AGBL1: variants seen among roughly 807,000 people sequenced by gnomAD.
AGBL1 encodes the protein cytosolic carboxypeptidase 4.
A neutral mutation model predicts 118.9 loss-of-function variants in AGBL1; 130 were observed. The ratio of observed to expected loss-of-function variants is 1.09; its 90% CI spans 0.95 to 1.26. AGBL1 has a LOEUF of 1.26. AGBL1 is among the 50% of genes most tolerant of loss of function. AGBL1 has a pLI of 0.00. For synonymous variants in AGBL1, 555 were observed against 478.9 expected (o/e 1.16, Z -2.08); for missense variants, 1,584 against 1,298.1 (o/e 1.22, Z -3.38).
intron 3 of AGBL1, among the ~76,000 whole-genome samples, chr15:86,149,029 G>A (rs2077070455): frequency 6.6e-6 from 1 of 152,134 alleles, no homozygotes; most frequent in Non-Finnish European, 1.5e-5. Flanking sequence ...GCCAAACTAT[G>A]CTTCGTAAGC....
At chr15:86,104,343 G>T (rs951372117) in intron 1 of AGBL1, among the ~76,000 whole-genome samples, 23 of 152,148 alleles carry the variant, frequency 1.5e-4, no homozygotes, top group Non-Finnish European at 3.1e-4. Flanking sequence ...TGTTGGGTGG[G>T]TTGCTTTTAG....
chr15:86,835,839 A>G (rs2079163365), intron 22 of AGBL1, among the ~76,000 whole-genome samples: 1 of 152,208 alleles, frequency 6.6e-6, no homozygotes, highest in South Asian at 2.1e-4. Flanking sequence ...TGGACCTGCC[A>G]TCATGCACAG....
Position 86,907,602 on chromosome 15 carries a change from A to G in AGBL1, c.*308A>G, listed in dbSNP as rs935040716. On this transcript the variant is annotated 3_prime_UTR_variant, in exon 23 of 23. Coordinates refer to ENST00000614907, the MANE Select transcript of AGBL1 (RefSeq NM_001386094.1). ...GATCCTTTCAAGATTTTTCTGAGTT[A>G]TTCTCCATTCTTGTGCTTGAACTGG... is the stretch of plus-strand genomic sequence containing the variant. The G allele has an allele frequency of 1.3e-5, 2 of 152,162 alleles. No individual in the cohort carries two copies. Among genetic ancestry groups the G allele is most frequent in the African/African-American group, 4.8e-5 (2 of 41,434 alleles). 9.4% of individuals were successfully genotyped at this position (152,162 alleles called of 1,614,324 possible). A position where few individuals can be genotyped will look rare whatever the true frequency, so the allele number is the denominator to read the frequency against.
At chr15:86,779,959 C>G (rs1440511098) in intron 22 of AGBL1, among the ~76,000 whole-genome samples, 1 of 151,956 alleles carries the variant, frequency 6.6e-6, no homozygotes, top group African/African-American at 2.4e-5. Flanking sequence ...ACTTTTCACT[C>G]CCTTGTCAGT....
intron 5 of AGBL1, among the ~76,000 whole-genome samples, chr15:86,222,499 A>T (rs1323595278): frequency 6.6e-6 from 1 of 151,834 alleles, no homozygotes; most frequent in Non-Finnish European, 1.5e-5. Flanking sequence ...CTTCTCTCTC[A>T]CTTTTCCATT....
At chr15:86,819,146 C>T (rs1238741204) in intron 22 of AGBL1, among the ~76,000 whole-genome samples, 1 of 151,658 alleles carries the variant, frequency 6.6e-6, no homozygotes, top group Non-Finnish European at 1.5e-5. Flanking sequence ...GTGATGGGGG[C>T]AAAAATCTAA....
intron 21 of AGBL1, among the ~76,000 whole-genome samples, chr15:86,588,312 CCTCT>C (rs2084282690): frequency 1.3e-5 from 2 of 152,018 alleles, no homozygotes; most frequent in Non-Finnish European, 2.9e-5. Context: ...TATCAAAGAC[CCTCT>C]TACACAGTTG....
At chr15:86,973,616 A>C (rs2060324) in intron 23 of AGBL1, among the ~76,000 whole-genome samples, 109,203 of 151,446 alleles carry the variant, frequency 0.72, 40,409 homozygotes, top group South Asian at 0.91. Flanking sequence ...AACTACTGTG[A>C]GAAGTACATT....
intron 5 of AGBL1, among the ~76,000 whole-genome samples, chr15:86,216,925 A>G (rs1437411461): frequency 6.6e-6 from 1 of 152,086 alleles, no homozygotes; most frequent in African/African-American, 2.4e-5. Context: ...TTGTCACCTT[A>G]CAGTGTCTGT....
At chr15:86,286,867 G>A (rs553902251) in intron 16 of AGBL1, among the ~76,000 whole-genome samples, 2 of 151,508 alleles carry the variant, frequency 1.3e-5, no homozygotes, top group Admixed American at 1.3e-4. Context: ...AGTTCCTTTG[G>A]ATATATACCC....
chr15:86,615,734 A>T lies in AGBL1; in HGVS notation c.2995-58539A>T, dbSNP rs2084711946. ...AACTACTCAAAGCCACAGAGTTAGA[A>T]ATGTGAGTTTTATATTGTGGACAGA... On this transcript the variant is annotated intron_variant, in intron 21 of 22. Coordinates refer to ENST00000614907, the MANE Select transcript of AGBL1 (RefSeq NM_001386094.1). This position sits in a 1 kb window ranked among gnomAD's most constrained non-coding sequence, Gnocchi z 4.3. Among the ~76,000 whole-genome samples the T allele has an allele frequency of 6.6e-6, 1 of 152,194 alleles. No homozygotes were observed. The highest frequency in any genetic ancestry group is 1.5e-5 in the Non-Finnish European group (1 of 68,030).
chr15:86,586,860 G>T (rs917017379), intron 21 of AGBL1, among the ~76,000 whole-genome samples: 1 of 151,980 alleles, frequency 6.6e-6, no homozygotes, highest in Non-Finnish European at 1.5e-5. Flanking sequence ...TTAAGTTAAG[G>T]GGGGGTCTGT....
intron 18 of AGBL1, among the ~76,000 whole-genome samples, chr15:86,454,823 C>A (rs908496012): frequency 6.6e-6 from 1 of 152,020 alleles, no homozygotes; most frequent in Non-Finnish European, 1.5e-5. Context: ...CAGAGATGTA[C>A]CCGCTTGTGA....
chr15:86,511,444 C>A (rs540873882), intron 18 of AGBL1, among the ~76,000 whole-genome samples: 1 of 152,110 alleles, frequency 6.6e-6, no homozygotes, highest in South Asian at 2.1e-4. Context: ...ATTGCAAACA[C>A]TGGATAAATC....
intron 22 of AGBL1, among the ~76,000 whole-genome samples, chr15:86,723,255 A>G (rs1383201360): frequency 6.6e-6 from 1 of 152,240 alleles, no homozygotes; most frequent in Non-Finnish European, 1.5e-5. Flanking sequence ...GAACCAACCC[A>G]AATGTCCCAA....
At chr15:86,795,253 G>A (rs574089405) in intron 22 of AGBL1, among the ~76,000 whole-genome samples, 1 of 152,152 alleles carries the variant, frequency 6.6e-6, no homozygotes, top group Non-Finnish European at 1.5e-5. Flanking sequence ...GGGAGACATG[G>A]GGATAGACAA....
intron 22 of AGBL1, among the ~76,000 whole-genome samples, chr15:86,737,387 C>T (rs1484870538): frequency 1.3e-5 from 2 of 152,190 alleles, no homozygotes; most frequent in African/African-American, 4.8e-5. Context: ...TTCCAGGTGT[C>T]TTAAGACACA....
intron 17 of AGBL1, among the ~76,000 whole-genome samples, chr15:86,381,833 G>A (rs536602895): frequency 6.6e-6 from 1 of 152,258 alleles, no homozygotes; most frequent in South Asian, 2.1e-4. Flanking sequence ...GCAGGTGGGG[G>A]TCTGTGGCAT....
At chr15:86,148,529 G>T (rs1567086130) in intron 3 of AGBL1, among the ~76,000 whole-genome samples, 1 of 152,182 alleles carries the variant, frequency 6.6e-6, no homozygotes, top group Non-Finnish European at 1.5e-5. Flanking sequence ...GGGTATCAGT[G>T]ACTGAAGATC....
Sources: gnomAD v4.1 joint callset for allele counts (sites outside exome capture counted in the v4.1 genomes callset) on GRCh38, gnomAD v4.1.1 for gene constraint, Gnocchi (gnomAD v3.1) non-coding constraint, MANE v1.5 for transcripts, NCBI Gene and HGNC (gene_info 2026-07-23, HGNC 2026-07-21) for gene names.